The following RNF123 variants were observed in gnomAD, a reference collection of about 807,000 sequenced individuals.
RNF123 encodes the protein ring finger protein 123, also known as E3 ubiquitin-protein ligase RNF123.
RNF123 carries 86 observed loss-of-function variants against 168.5 expected under a neutral mutation model. The observed-to-expected ratio is 0.51, with a 90% CI of 0.43 to 0.61. RNF123 has a LOEUF of 0.61. Ranked by LOEUF, RNF123 falls within the 20% of genes least tolerant of loss-of-function variation. The pLI is 0.00. For missense variants in RNF123, 1,419 were observed against 1,729.7 expected (o/e 0.82, Z 3.19); for synonymous variants, 666 against 689.1 (o/e 0.97, Z 0.52).
At chr3:49,719,272 T>G (rs1347504671) in intron 35 of RNF123, 1 of 1,613,358 alleles carries the variant, frequency 6.2e-7, no homozygotes, top group Non-Finnish European at 8.5e-7. Flanking sequence ...CAGGTCGAGG[T>G]CCGCAGTAGC....
Position 49,704,685 on chromosome 3 carries a change from C to G in RNF123, c.1888C>G (p.Pro630Ala), listed in dbSNP as rs764329248. Residue 630 changes from proline to alanine, a missense_variant, in exon 22 of 39, where the codon CCA (proline) becomes GCA (alanine). By Grantham distance (27) the Pro-to-Ala change is conservative (BLOSUM62 -1). This residue lies in a region of RNF123 where 538 missense variants were observed against 708.8 expected (regional missense o/e 0.76). Transcript: ENST00000327697. ...LASKANIVID[P>A]LELQSTAMDD... ...TTCCAAAGCCAACATTGTGATCGAC[C>G]CACTGGAGCTCCAGTCAACCGCCAT... 1 of 1,609,258 alleles carries G rather than the reference C, an allele frequency of 6.2e-7. No individual in the cohort carries two copies. Among genetic ancestry groups the G allele is most frequent in the Admixed American group, 1.7e-5 (1 of 59,252 alleles).
chr3:49,699,393 G>A lies in RNF123; in HGVS notation c.765-75G>A. 1 of 1,300,170 alleles carries A rather than the reference G, an allele frequency of 7.7e-7. No individual in the cohort carries two copies. The highest frequency in any genetic ancestry group is 1.3e-5 in the South Asian group (1 of 76,328). The allele number at this position is 1,300,170 out of a possible 1,614,324, so 80.5% of individuals were successfully genotyped here. A position where few individuals can be genotyped will look rare whatever the true frequency, so the allele number is the denominator to read the frequency against. On this transcript the variant is annotated intron_variant, in intron 10 of 38. Coordinates refer to ENST00000327697, the MANE Select transcript of RNF123 (RefSeq NM_022064.5). The surrounding 1 kb of genome is among the most constrained non-coding windows in gnomAD (Gnocchi z 4.8). ...CCTGCCCTAGAGCCCAGGCCCCGGG[G>A]TGGGGGGTGGGCAGTGGAGAGGGAG...
At chr3:49,702,547 C>G in intron 19 of RNF123, 86 bp from the exon 20 acceptor site, 1 of 1,610,674 alleles carries the variant, frequency 6.2e-7, no homozygotes, top group Non-Finnish European at 8.5e-7. Flanking sequence ...CCTGCTTAAC[C>G]CTCGACCCTC....
Position 49,699,435 on chromosome 3 carries a change from A to G in RNF123, c.765-33A>G. 1 of 1,535,314 alleles carries G rather than the reference A, an allele frequency of 6.5e-7. No individual in the cohort carries two copies. The highest frequency in any genetic ancestry group is 8.9e-7 in the Non-Finnish European group (1 of 1,128,048). On this transcript the variant is annotated intron_variant, in intron 10 of 38. Transcript: ENST00000327697. The surrounding 1 kb of genome is among the most constrained non-coding windows in gnomAD (Gnocchi z 4.8). ...GAGAGGGAGTAGGCATGTCTGAGCC[A>G]CAGATAAGGCGTTGCTGGCTTAACT...
intron 35 of RNF123, chr3:49,718,109 G>A: frequency 1.9e-6 from 3 of 1,613,572 alleles, no homozygotes; most frequent in Non-Finnish European, 2.5e-6. Context: ...AAGACTACGT[G>A]CTTGTGGACG....
chr3:49,697,269 C>T (rs1478785254), intron 4 of RNF123, 47 bp downstream of exon 4: 5 of 1,599,024 alleles, frequency 3.1e-6, no homozygotes, highest in South Asian at 1.1e-5. Context: ...AGAGCTGGGA[C>T]GTAGCGGGCC....
At position 49,706,832 on chromosome 3, in the gene RNF123, T is replaced by C; in HGVS notation, c.2430T>C (p.Val810=). The stretch of plus-strand genomic sequence containing the variant: ...CAGAGTTGACCAAGAGCCAGAAGGT[T>C]TTCTCAGAAAAGCTGGACCACCTGA... ...ILAELTKSQK[V]FSEKLDHLSR... Residue 810 remains valine (V), a synonymous_variant, in exon 26 of 39, where the codon GTT becomes GTC. Transcript: ENST00000327697. 1 of 1,613,858 alleles carries C rather than the reference T, an allele frequency of 6.2e-7. No individual in the cohort carries two copies. Among genetic ancestry groups the C allele is most frequent in the Non-Finnish European group, 8.5e-7 (1 of 1,179,882 alleles).
At chr3:49,691,848 TTC>T (rs1409855143) in intron 3 of RNF123, among the ~76,000 whole-genome samples, 1 of 152,264 alleles carries the variant, frequency 6.6e-6, no homozygotes, top group Non-Finnish European at 1.5e-5. Context: ...CCCTTGTAGC[TTC>T]TGACTGACCT....
chr3:49,703,576 GA>G, intron 21 of RNF123, 48 bp downstream of exon 21: 1 of 1,484,486 alleles, frequency 6.7e-7, no homozygotes, highest in South Asian at 1.2e-5. Context: ...CCAGGTGGGG[GA>G]CTGTCCCTGA....
rs2108203377 is a variant in RNF123, at chr3:49,718,142, C to T, written c.3500+1665C>T. The T allele has an allele frequency of 6.2e-7, 1 of 1,613,294 alleles. No individual in the cohort carries two copies. Among genetic ancestry groups the T allele is most frequent in the Non-Finnish European group, 8.5e-7 (1 of 1,180,042 alleles). Reference sequence around the variant, plus strand: ...ACGCTGGCCTTGCGGCTGGGTGCGTCTGGCGGTGTGGTGCTGAGTACTGAG... The same window carrying T: ...ACGCTGGCCTTGCGGCTGGGTGCGTTTGGCGGTGTGGTGCTGAGTACTGAG... On this transcript the variant is annotated intron_variant, in intron 35 of 38. Coordinates refer to ENST00000327697, the MANE Select transcript of RNF123 (RefSeq NM_022064.5).
intron 1 of RNF123, chr3:49,689,857 G>A (rs1295945613): frequency 6.6e-6 from 1 of 152,246 alleles, no homozygotes; most frequent in South Asian, 2.1e-4. Context: ...ACCCCGGCGG[G>A]GTTGGACGGG....
intron 3 of RNF123, among the ~76,000 whole-genome samples, chr3:49,692,421 C>T (rs1046508535): frequency 5.3e-5 from 8 of 152,162 alleles, no homozygotes; most frequent in East Asian, 1.9e-4. Flanking sequence ...GCATGCAATG[C>T]GTAATAATCA....
intron 26 of RNF123, among the ~76,000 whole-genome samples, chr3:49,708,917 TG>T (rs1306298814): frequency 1.3e-5 from 2 of 152,200 alleles, no homozygotes; most frequent in Non-Finnish European, 2.9e-5. Flanking sequence ...TACCCAGAAG[TG>T]GAATTACTGT....
Position 49,700,332 on chromosome 3 carries a change from C to T in RNF123, c.1090C>T (p.Leu364Phe), listed in dbSNP as rs777053843. ...AQSVVHQVLD[L>F]LWLFMEDYEV... ...GTCCGTGGTGCACCAGGTCCTGGAC[C>T]TCTTGTGGCTCTTCATGGAGGTGAG... The change falls in exon 13 of 39, where the codon CTC becomes TTC. Residue 364 changes from leucine (L) to phenylalanine (F), a missense_variant. Transcript: ENST00000327697. The T allele has an allele frequency of 1.8e-5, 29 of 1,614,220 alleles. No homozygotes were observed. In the South Asian group the frequency reaches 2.5e-4, roughly 14 times the overall value.
Position 49,713,479 on chromosome 3 carries a change from C to T in RNF123, c.2675-34C>T. 1.3e-6 allele frequency: 2 copies of T among 1,573,352 alleles called. 1 individual carries two copies. Among genetic ancestry groups the T allele is most frequent in the South Asian group, 2.3e-5 (2 of 86,422 alleles). ...CATGCCTGCCTCTGGAGCCCCCACT[C>T]CCAGCCGACACGTCTCACTTCCCAC... On this transcript the variant is annotated intron_variant, in intron 27 of 38. Coordinates refer to ENST00000327697, the MANE Select transcript of RNF123 (RefSeq NM_022064.5).
In RNF123 at chr3:49,713,413, CAGCTCTA is replaced by C; in HGVS notation, c.2675-99_2675-93del. ...CTGGGTCCAGGCTGGCCTTGGGAGC[CAGCTCTA>C]GAGCCTGCTACCCAAGTCCACCCAC... On this transcript the variant is annotated intron_variant, in intron 27 of 38. Transcript: ENST00000327697. 4.2e-6 allele frequency: 5 copies of C among 1,193,544 alleles called. No homozygotes were observed. In the South Asian group the frequency reaches 5.4e-5, roughly 13 times the overall value. 73.9% of individuals were successfully genotyped at this position (1,193,544 alleles called of 1,614,324 possible).
chr3:49,697,145 A>C lies in RNF123; in HGVS notation c.170A>C (p.Lys57Thr). 2 of 1,613,944 alleles carry C rather than the reference A, an allele frequency of 1.2e-6. No homozygotes were observed. The highest frequency in any genetic ancestry group is 1.7e-6 in the Non-Finnish European group (2 of 1,179,864). ...EHAPPAATSRKPLNFQNLPEH... is the reference protein window; with the variant it reads ...EHAPPAATSRTPLNFQNLPEH... ...TGGCAGCCTCTCACTCTCCCCAGGA[A>C]ACCCCTGAACTTCCAGAACCTGCCA... Residue 57 changes from lysine to threonine, a missense_variant and splice_region_variant, in exon 4 of 39, where the codon AAA becomes ACA. Coordinates refer to ENST00000327697, the MANE Select transcript of RNF123 (RefSeq NM_022064.5).
At chr3:49,704,582 C>G (rs2054473787) in intron 21 of RNF123, 68 bp from the exon 22 acceptor site, 1 of 1,357,024 alleles carries the variant, frequency 7.4e-7, no homozygotes, top group Non-Finnish European at 1.0e-6. Context: ...CTCTCACCGT[C>G]CTGGGCACTT....
chr3:49,705,754 C>T, intron 24 of RNF123, 75 bp downstream of exon 24: 2 of 1,595,214 alleles, frequency 1.3e-6, no homozygotes, highest in Admixed American at 1.7e-5. Flanking sequence ...CCTGTGTGCA[C>T]ATGGGCCCGC....
Sources: allele counts gnomAD v4.1 joint callset (sites outside exome capture counted in the v4.1 genomes callset), GRCh38; gene constraint gnomAD v4.1.1; regional missense constraint gnomAD v4.1.1; non-coding constraint Gnocchi (gnomAD v3.1); transcripts MANE v1.5; gene names NCBI Gene and HGNC (gene_info 2026-07-23, HGNC 2026-07-21).